PARD3B: variants seen among roughly 807,000 people sequenced by gnomAD.
PARD3B encodes par-3 family cell polarity regulator beta, also known as partitioning defective 3 homolog B.
In PARD3B, 103 loss-of-function variants were observed where a neutral mutation model predicts 130.2. The observed-to-expected ratio is 0.79, with a 90% CI of 0.67 to 0.93. The LOEUF is 0.93. Ranked by LOEUF, PARD3B falls within the 40% of genes least tolerant of loss-of-function variation. The pLI is 0.00. For missense variants in PARD3B, 1,609 were observed against 1,499.2 expected (o/e 1.07, Z -1.21); for synonymous variants, 583 against 553.2 (o/e 1.05, Z -0.76).
At chr2:204,938,137 T>C (rs1368774471) in intron 2 of PARD3B, among the ~76,000 whole-genome samples, 1 of 152,178 alleles carries the variant, frequency 6.6e-6, no homozygotes, top group Non-Finnish European at 1.5e-5. Context: ...GATGTCCAGA[T>C]TTTTAATACA....
chr2:204,889,706 A>G (rs1037734936), intron 2 of PARD3B, among the ~76,000 whole-genome samples: 15 of 152,346 alleles, frequency 9.8e-5, no homozygotes, highest in African/African-American at 2.6e-4. Context: ...ATGATTTCCA[A>G]CAGTCAGCAG....
intron 3 of PARD3B, 114 bp from the exon 4 acceptor site, chr2:205,047,467 G>C: frequency 1.7e-6 from 1 of 580,324 alleles, no homozygotes; most frequent in South Asian, 2.6e-5. Flanking sequence ...CTTAGAAATA[G>C]AATGTTTTTA....
chr2:205,543,246 A>G (rs1315556742), intron 21 of PARD3B, among the ~76,000 whole-genome samples: 1 of 152,252 alleles, frequency 6.6e-6, no homozygotes, highest in African/African-American at 2.4e-5. Flanking sequence ...TAACTGAAAA[A>G]AAAACTGTAC....
At chr2:205,480,510 C>T (rs1183444960) in intron 20 of PARD3B, among the ~76,000 whole-genome samples, 4 of 152,146 alleles carry the variant, frequency 2.6e-5, no homozygotes, top group Non-Finnish European at 5.9e-5. Flanking sequence ...AATGTAAGGC[C>T]CATGTGGTTA....
chr2:205,076,692 A>G (rs1421656556), intron 4 of PARD3B, among the ~76,000 whole-genome samples: 1 of 151,994 alleles, frequency 6.6e-6, no homozygotes, highest in African/African-American at 2.4e-5. Context: ...TGAACTGTGG[A>G]TCTAGGTTGT....
rs1029142635 is a variant in PARD3B at position 205,359,579 on chromosome 2, T to A, written c.2631-41434T>A. On this transcript the variant is annotated intron_variant, in intron 18 of 22. Transcript: ENST00000406610. The stretch of plus-strand genomic sequence containing the variant: ...TCCTTAATCTATACTCCTTTTACCC[T>A]CTGCATGTAGTGACTTAAGTGTTTG... Among the ~76,000 whole-genome samples, 5 of 152,334 alleles carry A rather than the reference T, an allele frequency of 3.3e-5. No individual in the cohort carries two copies. In the East Asian group the frequency reaches 9.6e-4, roughly 29 times the overall value.
At chr2:205,193,346 G>T (rs1162178396) in intron 15 of PARD3B, 26 bp downstream of exon 15, 1 of 1,496,824 alleles carries the variant, frequency 6.7e-7, no homozygotes, top group Non-Finnish European at 9.3e-7. Context: ...GTGACATCCA[G>T]GTCAGCTCTC....
At chr2:204,650,678 G>C (rs1044611921) in intron 1 of PARD3B, among the ~76,000 whole-genome samples, 3 of 152,132 alleles carry the variant, frequency 2.0e-5, no homozygotes, top group African/African-American at 7.2e-5. Context: ...GTTCTCACTT[G>C]TAAGTGGGAG....
chr2:204,868,307 TCAC>T (rs2045503485), intron 2 of PARD3B, among the ~76,000 whole-genome samples: 1 of 152,190 alleles, frequency 6.6e-6, no homozygotes, highest in Non-Finnish European at 1.5e-5. Flanking sequence ...TATTTAACCT[TCAC>T]CACAATTCCA....
chr2:205,191,296 C>T (rs751424165), intron 14 of PARD3B, among the ~76,000 whole-genome samples: 8 of 152,058 alleles, frequency 5.3e-5, no homozygotes, highest in Non-Finnish European at 8.8e-5. Context: ...ACGTAACTTA[C>T]GTATCTTACA....
intron 21 of PARD3B, among the ~76,000 whole-genome samples, chr2:205,544,654 TG>T (rs547796060): frequency 3.6e-4 from 55 of 152,316 alleles, no homozygotes; most frequent in African/African-American, 1.3e-3. Flanking sequence ...CCAGTGTACA[TG>T]CAGCTAGTAC....
At chr2:205,278,578 C>G (rs146785647) in intron 16 of PARD3B, among the ~76,000 whole-genome samples, 87 of 152,214 alleles carry the variant, frequency 5.7e-4, no homozygotes, top group African/African-American at 1.9e-3. Flanking sequence ...GTGGGAGAAG[C>G]TTTAGGGACT....
At chr2:205,596,688 A>G (rs1248511790) in intron 22 of PARD3B, among the ~76,000 whole-genome samples, 1 of 152,164 alleles carries the variant, frequency 6.6e-6, no homozygotes, top group Non-Finnish European at 1.5e-5. Context: ...ATGGGGGAGA[A>G]TGTTAGAATA....
chr2:204,595,636 A>G lies in PARD3B; in HGVS notation c.120+49517A>G, dbSNP rs374743823. ...GTGGGACATTTCTGTATGTTAGTCA[A>G]TTAAAAACAGTCACTTTGTGAGGTC... is the stretch of plus-strand genomic sequence containing the variant. On this transcript the variant is annotated intron_variant, in intron 1 of 22. Coordinates refer to ENST00000406610, the MANE Select transcript of PARD3B (RefSeq NM_001302769.2). Among the ~76,000 whole-genome samples the G allele has an allele frequency of 1.2e-4, 18 of 152,376 alleles. No homozygotes were observed. In the East Asian group the frequency reaches 3.5e-3, roughly 29 times the overall value.
intron 21 of PARD3B, among the ~76,000 whole-genome samples, chr2:205,503,659 C>CT (rs1559154991): frequency 6.6e-6 from 1 of 152,072 alleles, no homozygotes; most frequent in Admixed American, 6.6e-5. Flanking sequence ...AATGCGGGCT[C>CT]TTTTTTGGTT....
chr2:205,499,970 G>T lies in PARD3B; in HGVS notation c.3119G>T (p.Gly1040Val), dbSNP rs2050098392. 8 of 1,613,834 alleles carry T rather than the reference G, an allele frequency of 5.0e-6. No homozygotes were observed. Among genetic ancestry groups the T allele is most frequent in the Admixed American group, 1.7e-5 (1 of 60,004 alleles). Reference protein sequence around the residue: ...RKEYYQARREGFPLYEDDEGR... With the variant: ...RKEYYQARREVFPLYEDDEGR... ...GAGTATTATCAGGCTCGGAGGGAAG[G>T]TTTCCCTTTATATGAAGACGACGAA... is the stretch of plus-strand genomic sequence containing the variant. The change falls in exon 21 of 23, where the codon GGT (glycine) becomes GTT (valine). Residue 1040 changes from glycine to valine, a missense_variant. Gly to Val is a moderately radical substitution (Grantham distance 109). Transcript: ENST00000406610.
At position 204,673,416 on chromosome 2, in the gene PARD3B, T is replaced by C. The variant is rs915640542; in HGVS notation, c.121-12765T>C. Among the ~76,000 whole-genome samples, 19 of 152,206 alleles carry C rather than the reference T, an allele frequency of 1.2e-4. No individual in the cohort carries two copies. The highest frequency in any genetic ancestry group is 2.2e-4 in the Non-Finnish European group (15 of 68,032). The stretch of plus-strand genomic sequence containing the variant: ...CTCTTGGCAAGGGTAGAGAGGTGGT[T>C]ACTACCACTTGGTGTTTTTGCATCT... On this transcript the variant is annotated intron_variant, in intron 1 of 22. Coordinates refer to ENST00000406610, the MANE Select transcript of PARD3B (RefSeq NM_001302769.2). The surrounding 1 kb of genome is among the most constrained non-coding windows in gnomAD (Gnocchi z 4.7).
intron 2 of PARD3B, among the ~76,000 whole-genome samples, chr2:204,804,263 T>G (rs1458752793): frequency 6.6e-6 from 1 of 152,024 alleles, no homozygotes; most frequent in Admixed American, 6.6e-5. Flanking sequence ...AAACACAGTT[T>G]ACCTATAAAG....
chr2:204,571,232 C>G (rs1348040140), intron 1 of PARD3B, among the ~76,000 whole-genome samples: 2 of 152,166 alleles, frequency 1.3e-5, no homozygotes, highest in Non-Finnish European at 2.9e-5. Flanking sequence ...GGGGATAGCC[C>G]TGACTCTTCT....
Sources: gnomAD v4.1 joint callset for allele counts (sites outside exome capture counted in the v4.1 genomes callset) on GRCh38, gnomAD v4.1.1 for gene constraint, Gnocchi (gnomAD v3.1) non-coding constraint, MANE v1.5 for transcripts, NCBI Gene and HGNC (gene_info 2026-07-23, HGNC 2026-07-21) for gene names.